Variants in SNX2 observed in about 807,000 individuals in gnomAD.
SNX2 encodes the protein sorting nexin 2, also known as sorting nexin-2.
A neutral mutation model predicts 69.9 loss-of-function variants in SNX2; 25 were observed. The observed-to-expected ratio is 0.36, with a 90% CI of 0.26 to 0.50. SNX2 has a LOEUF of 0.50. SNX2 is among the 20% of genes least tolerant of loss of function. The pLI is 0.97. For missense variants in SNX2, 551 were observed against 613.3 expected (o/e 0.90, Z 1.07); for synonymous variants, 229 against 200.4 (o/e 1.14, Z -1.20).
chr5:122,806,386 C>A (rs536526404), intron 6 of SNX2, among the ~76,000 whole-genome samples: 2 of 152,014 alleles, frequency 1.3e-5, no homozygotes, highest in African/African-American at 2.4e-5. Flanking sequence ...AGGTAACTTA[C>A]ACTTATAGCA....
At chr5:122,783,639 A>G (rs1581623402) in intron 1 of SNX2, among the ~76,000 whole-genome samples, 1 of 152,156 alleles carries the variant, frequency 6.6e-6, no homozygotes, top group Non-Finnish European at 1.5e-5. Flanking sequence ...TCATTGATCT[A>G]TTGAGAATCC....
chr5:122,833,275 A>G lies in SNX2; in HGVS notation c.*3627A>G, dbSNP rs138425605. ...TTACAACAAGATAAATGTGAGTAAT[A>G]GTTCATTTTCCTGCATTTTTGATGA... is the stretch of plus-strand genomic sequence containing the variant. On this transcript the variant is annotated 3_prime_UTR_variant, in exon 15 of 15. Coordinates refer to ENST00000379516, the MANE Select transcript of SNX2 (RefSeq NM_003100.4). 3 of 152,312 alleles carry G rather than the reference A, an allele frequency of 2.0e-5. No homozygotes were observed. In the East Asian group the frequency reaches 5.8e-4, roughly 29 times the overall value. 9.4% of individuals were successfully genotyped at this position (152,312 alleles called of 1,614,324 possible).
At chr5:122,828,252 T>G (rs979425581) in intron 14 of SNX2, among the ~76,000 whole-genome samples, 1 of 152,184 alleles carries the variant, frequency 6.6e-6, no homozygotes, top group Non-Finnish European at 1.5e-5. Context: ...TTTTAAAATA[T>G]GTGGATCTAG....
intron 1 of SNX2, among the ~76,000 whole-genome samples, chr5:122,785,254 T>G (rs997502777): frequency 6.6e-6 from 1 of 151,876 alleles, no homozygotes; most frequent in Non-Finnish European, 1.5e-5. Context: ...TTGCTTTGTG[T>G]TTAATTTGCT....
At position 122,831,339 on chromosome 5, in the gene SNX2, C is replaced by T. The variant is rs1754284831; in HGVS notation, c.*1691C>T. 6.6e-6 allele frequency among the ~76,000 whole-genome samples: 1 copy of T among 151,778 alleles called. No homozygotes were observed. The highest frequency in any genetic ancestry group is 2.1e-4 in the South Asian group (1 of 4,784). On this transcript the variant is annotated 3_prime_UTR_variant, in exon 15 of 15. Coordinates refer to ENST00000379516, the MANE Select transcript of SNX2 (RefSeq NM_003100.4). ...GGGCTTGATGGGCCAGGCACAGTGA[C>T]TCACATGCCTGTAGTCCCAGCTTCT...
intron 3 of SNX2, 122 bp from the exon 4 acceptor site, chr5:122,801,747 C>T (rs1753521004): frequency 1.8e-6 from 1 of 555,314 alleles, no homozygotes; most frequent in African/African-American, 2.1e-5. Context: ...AAATGAAGTG[C>T]TGGGTGGCTA....
chr5:122,802,050 T>C lies in SNX2; in HGVS notation c.458-31T>C, dbSNP rs780065008. 6 of 1,599,916 alleles carry C rather than the reference T, an allele frequency of 3.8e-6. No homozygotes were observed. In the East Asian group the frequency reaches 1.3e-4, roughly 36 times the overall value. On this transcript the variant is annotated intron_variant, in intron 4 of 14. Coordinates refer to ENST00000379516, the MANE Select transcript of SNX2 (RefSeq NM_003100.4). ...ATGAGTTTTATTTTTATGCATGTGA[T>C]TTTAATAGTAGTGTTTGACTTTTTT...
At chr5:122,818,682 T>G in intron 10 of SNX2, 136 bp from the exon 11 acceptor site, 3 of 685,920 alleles carry the variant, frequency 4.4e-6, no homozygotes, top group Non-Finnish European at 7.1e-6. Context: ...ACTAATTGTT[T>G]CATATTAATT....
chr5:122,789,899 T>G (rs1408788745), intron 1 of SNX2, among the ~76,000 whole-genome samples: 1 of 152,252 alleles, frequency 6.6e-6, no homozygotes, highest in Non-Finnish European at 1.5e-5. Context: ...TAGGCTTTAG[T>G]TATAATCAGA....
At position 122,806,142 on chromosome 5, in the gene SNX2, G is replaced by GCACACGCACACACACACACACACA. The variant is rs1554063176; in HGVS notation, c.644-2130_644-2129insGCACACACACACACACACACACAC. On this transcript the variant is annotated intron_variant, in intron 6 of 14. Coordinates refer to ENST00000379516, the MANE Select transcript of SNX2 (RefSeq NM_003100.4). ...TGTGTATATATATACACACGCGCGC[G>GCACACGCACACACACACACACACA]CACACACACACACACACACACACAC... Among the ~76,000 whole-genome samples, 220 of 130,652 alleles carry GCACACGCACACACACACACACACA rather than the reference G, an allele frequency of 1.7e-3. 1 individual carries two copies. The highest frequency in any genetic ancestry group is 2.7e-3 in the Non-Finnish European group (165 of 61,020). 85.7% of individuals were successfully genotyped at this position (130,652 alleles called of 152,430 possible).
intron 6 of SNX2, among the ~76,000 whole-genome samples, chr5:122,806,012 G>C (rs6859267): frequency 0.65 from 98,822 of 151,490 alleles, 33,107 homozygotes; most frequent in African/African-American, 0.81. Context: ...GATCTCCTGA[G>C]CTCATGATTC....
At chr5:122,814,313 C>T (rs984591646) in intron 7 of SNX2, among the ~76,000 whole-genome samples, 1 of 152,290 alleles carries the variant, frequency 6.6e-6, no homozygotes, top group East Asian at 1.9e-4. Context: ...CTTAAACCTG[C>T]AGGATTAGTG....
intron 1 of SNX2, among the ~76,000 whole-genome samples, chr5:122,787,317 C>T (rs536438177): frequency 2.6e-5 from 4 of 152,106 alleles, no homozygotes; most frequent in South Asian, 4.2e-4. Context: ...GTCAGGAGTT[C>T]GAGACCAGCC....
chr5:122,826,280 A>G, intron 12 of SNX2, 87 bp downstream of exon 12: 1 of 1,122,852 alleles, frequency 8.9e-7, no homozygotes, highest in South Asian at 1.9e-5. Context: ...TTTGTAAACC[A>G]TTCAACACGT....
chr5:122,776,082 C>A (rs912560843), intron 1 of SNX2, among the ~76,000 whole-genome samples: 1 of 152,248 alleles, frequency 6.6e-6, no homozygotes, highest in Non-Finnish European at 1.5e-5. Context: ...GCACCCACAC[C>A]TCACAGCCTA....
chr5:122,775,588 G>A (rs1248153838), intron 1 of SNX2: 5 of 994,472 alleles, frequency 5.0e-6, no homozygotes, highest in East Asian at 1.0e-4. Context: ...TTGAAGGGGT[G>A]CTCGCTTTTC....
rs1300922293 is a variant in SNX2, at chr5:122,827,626, C to G, written c.1489C>G (p.Leu497Val). Residue 497 changes from leucine (L) to valine (V), a missense_variant, in exon 14 of 15, where the codon CTA becomes GTA. This residue lies in a region of SNX2 where 360 missense variants were observed against 450.4 expected (regional missense o/e 0.80). Coordinates refer to ENST00000379516, the MANE Select transcript of SNX2 (RefSeq NM_003100.4). ...KTVIIKYLES[L>V]VQTQQQLIKY... The stretch of plus-strand genomic sequence containing the variant: ...CGTTATCATCAAGTACTTAGAATCA[C>G]TAGTTCAAACACAACAACAGGTAAG... The G allele has an allele frequency of 6.2e-7, 1 of 1,612,634 alleles. No homozygotes were observed.
intron 7 of SNX2, among the ~76,000 whole-genome samples, chr5:122,809,680 A>G (rs1561463976): frequency 6.6e-6 from 1 of 152,074 alleles, no homozygotes; most frequent in Non-Finnish European, 1.5e-5. Context: ...TGGGGGTGGT[A>G]TCTATTTCTC....
At position 122,810,479 on chromosome 5, in the gene SNX2, C is replaced by T. The variant is rs191122410; in HGVS notation, c.722+2124C>T. ...CGCTTAGTCTTTCCTGAAAATGTAA[C>T]CATGACCCTTTGAGAGACCTTTCAA... On this transcript the variant is annotated intron_variant, in intron 7 of 14. Coordinates refer to ENST00000379516, the MANE Select transcript of SNX2 (RefSeq NM_003100.4). Among the ~76,000 whole-genome samples the T allele has an allele frequency of 2.9e-3, 433 of 150,988 alleles. 1 individual carries two copies. Among genetic ancestry groups the T allele is most frequent in the Non-Finnish European group, 4.4e-3 (296 of 67,860 alleles).
Sources: allele counts gnomAD v4.1 joint callset (sites outside exome capture counted in the v4.1 genomes callset), GRCh38; gene constraint gnomAD v4.1.1; regional missense constraint gnomAD v4.1.1; transcripts MANE v1.5; gene names NCBI Gene and HGNC (gene_info 2026-07-23, HGNC 2026-07-21).